The following COPB1 variants were observed in gnomAD, a reference collection of about 807,000 sequenced individuals.
COPB1 encodes coat protein complex I subunit beta 1, also known as coatomer subunit beta.
Under a neutral mutation model 108.7 loss-of-function variants are expected in COPB1, and 21 were observed. The ratio of observed to expected loss-of-function variants is 0.19; its 90% CI spans 0.14 to 0.28. The LOEUF is 0.28. Among genes scored for constraint, COPB1 ranks in the 10% least tolerant of loss-of-function variants. The pLI, the probability that COPB1 is intolerant of heterozygous loss-of-function variation, is 1.00. For synonymous variants in COPB1, 378 were observed against 386.8 expected (o/e 0.98, Z 0.27); for missense variants, 919 against 1,141.3 (o/e 0.81, Z 2.81).
intron 16 of COPB1, 135 bp from the exon 17 acceptor site, chr11:14,466,561 T>A (rs1193710510): frequency 1.9e-5 from 15 of 792,126 alleles, no homozygotes; most frequent in Non-Finnish European, 2.7e-5. Context: ...AAAATAAAAT[T>A]GTTTTATAAT....
chr11:14,479,776 G>T, intron 10 of COPB1, 62 bp from the exon 11 acceptor site: 1 of 1,408,652 alleles, frequency 7.1e-7, no homozygotes, highest in Non-Finnish European at 9.6e-7. Context: ...AATTATCTAG[G>T]ACAAGAAATA....
At chr11:14,459,601 G>A (rs1359538812) in intron 20 of COPB1, among the ~76,000 whole-genome samples, 2 of 152,052 alleles carry the variant, frequency 1.3e-5, no homozygotes, top group Non-Finnish European at 2.9e-5. Context: ...TTCTAATCCA[G>A]TATTACAAAT....
chr11:14,493,746 T>C lies in COPB1; in HGVS notation c.387A>G (p.Glu129=). The change falls in exon 4 of 22, where the codon GAA becomes GAG. Residue 129 remains glutamate, a synonymous_variant. Coordinates refer to ENST00000439561, the MANE Select transcript of COPB1 (RefSeq NM_001144061.2). ...GCATTAAAGGTTCTAGCAATTCTGCTTCTTTCAATTTGCAAAGAAAACGAA... is the reference window on the plus strand; with the variant it reads ...GCATTAAAGGTTCTAGCAATTCTGCCTCTTTCAATTTGCAAAGAAAACGAA... ...STLRFLCKLK[E]AELLEPLMPA... The C allele has an allele frequency of 6.2e-7, 1 of 1,613,570 alleles. No homozygotes were observed. The highest frequency in any genetic ancestry group is 8.5e-7 in the Non-Finnish European group (1 of 1,179,812).
intron 14 of COPB1, 39 bp downstream of exon 14, chr11:14,474,456 T>C: frequency 6.3e-7 from 1 of 1,593,666 alleles, no homozygotes; most frequent in Non-Finnish European, 8.6e-7. Context: ...AGGCACTCAA[T>C]GTTTAATTGT....
intron 21 of COPB1, 103 bp downstream of exon 21, chr11:14,458,429 G>T: frequency 1.8e-6 from 2 of 1,086,652 alleles, no homozygotes; most frequent in Non-Finnish European, 2.6e-6. Flanking sequence ...ATGTGTATAT[G>T]CATCTAATGC....
Position 14,486,810 on chromosome 11 carries a change from T to C in COPB1, c.700-306A>G, listed in dbSNP as rs562097136. Among the ~76,000 whole-genome samples the C allele has an allele frequency of 1.8e-4, 27 of 152,288 alleles. No homozygotes were observed. The South Asian group carries it at 5.4e-3, about 30-fold the overall frequency. The stretch of plus-strand genomic sequence containing the variant: ...CTTATTTATTCATCCCATCATAATT[T>C]ATATTTTTACTGTTTCGTAAAAGGT... On this transcript the variant is annotated intron_variant, in intron 6 of 21. Coordinates refer to ENST00000439561, the MANE Select transcript of COPB1 (RefSeq NM_001144061.2).
intron 21 of COPB1, among the ~76,000 whole-genome samples, chr11:14,458,168 C>T (rs1456994363): frequency 6.6e-6 from 1 of 150,412 alleles, no homozygotes; most frequent in Non-Finnish European, 1.5e-5. Context: ...CAACCTCCAC[C>T]TCCCGGGTTC....
intron 13 of COPB1, 29 bp from the exon 14 acceptor site, chr11:14,474,644 C>T (rs1399989652): frequency 6.2e-7 from 1 of 1,610,790 alleles, no homozygotes. Context: ...AAATCAAACC[C>T]ACCAACTTGC....
At chr11:14,478,561 T>C (rs1344960747) in intron 11 of COPB1, among the ~76,000 whole-genome samples, 1 of 151,124 alleles carries the variant, frequency 6.6e-6, no homozygotes, top group East Asian at 2.0e-4. Context: ...ACAGAAGAAG[T>C]ACAAGGGATC....
chr11:14,480,721 T>A, intron 10 of COPB1, 38 bp downstream of exon 10: 3 of 1,581,902 alleles, frequency 1.9e-6, no homozygotes, highest in Non-Finnish European at 2.6e-6. Context: ...AAAATTCTTT[T>A]AGATAATTTC....
chr11:14,479,951 C>T (rs929754635), intron 10 of COPB1, among the ~76,000 whole-genome samples: 8 of 152,080 alleles, frequency 5.3e-5, no homozygotes, highest in African/African-American at 1.7e-4. Context: ...GGACTTCAGG[C>T]ATGACACTAT....
chr11:14,478,075 CAG>C (rs1850568228), intron 11 of COPB1, among the ~76,000 whole-genome samples: 1 of 151,866 alleles, frequency 6.6e-6, no homozygotes, highest in African/African-American at 2.4e-5. Context: ...ATAAATATTT[CAG>C]AAAGAATCTA....
At chr11:14,481,287 A>C (rs1850654400) in intron 8 of COPB1, among the ~76,000 whole-genome samples, 190 bp from the exon 9 acceptor site, 1 of 152,240 alleles carries the variant, frequency 6.6e-6, no homozygotes. Flanking sequence ...ATAGCACATG[A>C]CACATTCAAA....
At chr11:14,466,222 T>C in intron 17 of COPB1, 60 bp downstream of exon 17, 1 of 1,517,098 alleles carries the variant, frequency 6.6e-7, no homozygotes, top group East Asian at 2.3e-5. Flanking sequence ...GCACCTCCCT[T>C]AATCTGTCAT....
At chr11:14,471,960 A>G (rs1850415332) in intron 14 of COPB1, among the ~76,000 whole-genome samples, 1 of 152,166 alleles carries the variant, frequency 6.6e-6, no homozygotes, top group Non-Finnish European at 1.5e-5. Context: ...GTTAGTCTCC[A>G]AAAACGAAGG....
At chr11:14,469,194 G>T in intron 15 of COPB1, 142 bp downstream of exon 15, 1 of 702,994 alleles carries the variant, frequency 1.4e-6, no homozygotes, top group Non-Finnish European at 2.5e-6. Flanking sequence ...ACAGGGGCTT[G>T]CTATGTAGCC....
At chr11:14,469,632 A>G (rs1483178621) in intron 14 of COPB1, 69 bp from the exon 15 acceptor site, 4 of 1,256,410 alleles carry the variant, frequency 3.2e-6, no homozygotes, top group South Asian at 2.5e-5. Flanking sequence ...TCACTTCATT[A>G]TAACTCACAA....
chr11:14,464,934 T>C lies in COPB1; in HGVS notation c.2387A>G (p.Asn796Ser). Residue 796 changes from asparagine to serine, a missense_variant, in exon 18 of 22, where the codon AAT becomes AGT. By Grantham distance (46) the Asn-to-Ser change is conservative (BLOSUM62 1). Coordinates refer to ENST00000439561, the MANE Select transcript of COPB1 (RefSeq NM_001144061.2). ...KANVKVASTE[N>S]GIIFGNIVYD... ...ACCTATATTACCAAAAATTATTCCA[T>C]TTTCTGTTGATGCTACTTTGACGTT... 1 of 1,613,416 alleles carries C rather than the reference T, an allele frequency of 6.2e-7. No homozygotes were observed. The highest frequency in any genetic ancestry group is 8.5e-7 in the Non-Finnish European group (1 of 1,179,720).
intron 20 of COPB1, 37 bp from the exon 21 acceptor site, chr11:14,458,724 G>A: frequency 6.3e-7 from 1 of 1,577,094 alleles, no homozygotes; most frequent in Non-Finnish European, 8.6e-7. Flanking sequence ...TACTTTACCA[G>A]ATACCTACAT....
Sources: gnomAD v4.1 joint callset for allele counts (sites outside exome capture counted in the v4.1 genomes callset) on GRCh38, gnomAD v4.1.1 for gene constraint, MANE v1.5 for transcripts, NCBI Gene and HGNC (gene_info 2026-07-23, HGNC 2026-07-21) for gene names.